Variants in GALNTL5 observed in about 807,000 individuals in gnomAD.
GALNTL5 encodes polypeptide N-acetylgalactosaminyltransferase like 5.
GALNTL5 carries 44 observed loss-of-function variants against 51.0 expected under a neutral mutation model. That is an observed-to-expected ratio of 0.86 (90% CI 0.68 to 1.11). GALNTL5 has a LOEUF of 1.11. Ranked by LOEUF, GALNTL5 falls within the 50% of genes least tolerant of loss-of-function variation. GALNTL5 has a pLI of 0.00. For missense variants in GALNTL5, 528 were observed against 531.8 expected, an observed-to-expected ratio of 0.99 and a Z score of 0.07; for synonymous variants, 192 against 182.8, an observed-to-expected ratio of 1.05 and a Z score of -0.41.
intron 5 of GALNTL5, among the ~76,000 whole-genome samples, chr7:151,991,029 T>C (rs141746267): frequency 3.5e-4 from 53 of 152,310 alleles, no homozygotes; most frequent in African/African-American, 1.2e-3. Flanking sequence ...TTGGGTTTTG[T>C]CTCCTGTTCA....
chr7:152,000,095 C>G (rs888035909), intron 5 of GALNTL5, among the ~76,000 whole-genome samples: 20 of 152,156 alleles, frequency 1.3e-4, no homozygotes, highest in African/African-American at 4.3e-4. Context: ...GAGAAGTGAA[C>G]TAATGTTAGT....
chr7:151,966,076 G>C (rs1209336569), intron 1 of GALNTL5, among the ~76,000 whole-genome samples: 1 of 151,854 alleles, frequency 6.6e-6, no homozygotes, highest in African/African-American at 2.4e-5. Flanking sequence ...TAATTGCACT[G>C]CTTTTCATGT....
chr7:152,011,999 T>A (rs1434751368), intron 7 of GALNTL5, among the ~76,000 whole-genome samples: 1 of 152,246 alleles, frequency 6.6e-6, no homozygotes, highest in Non-Finnish European at 1.5e-5. Flanking sequence ...GTTGTTGGGC[T>A]GGGCTCTAGT....
chr7:152,011,343 T>C (rs1429125208), intron 7 of GALNTL5, among the ~76,000 whole-genome samples: 3 of 152,258 alleles, frequency 2.0e-5, no homozygotes, highest in Non-Finnish European at 2.9e-5. Context: ...ACTTCCAGTC[T>C]CTGAATGGTT....
chr7:151,990,281 T>A (rs899895181), intron 5 of GALNTL5, among the ~76,000 whole-genome samples: 1 of 151,930 alleles, frequency 6.6e-6, no homozygotes, highest in African/African-American at 2.4e-5. Flanking sequence ...TGGCCTCAAG[T>A]GGTCTACCTG....
chr7:151,962,373 A>G (rs2081001454), intron 1 of GALNTL5, among the ~76,000 whole-genome samples: 1 of 143,086 alleles, frequency 7.0e-6, no homozygotes, highest in African/African-American at 2.6e-5. Flanking sequence ...CTTCATTTTT[A>G]TTACATGACC....
intron 2 of GALNTL5, among the ~76,000 whole-genome samples, chr7:151,970,031 T>C (rs894628125): frequency 1.3e-5 from 2 of 148,584 alleles, no homozygotes; most frequent in African/African-American, 2.5e-5. Context: ...AGGATGGTGT[T>C]GATCTCCTGA....
chr7:152,019,705 G>A lies in GALNTL5; in HGVS notation c.1236G>A (p.Glu412=), dbSNP rs996667111. Residue 412 remains glutamate (E), a synonymous_variant, in exon 9 of 9, where the codon GAG becomes GAA. Coordinates refer to ENST00000392800, the MANE Select transcript of GALNTL5 (RefSeq NM_145292.4). ...LKYVTYGNIR[E]RVELRKRLGC... is the part of the protein sequence containing the mutation. ...ATGTCACCTACGGAAATATTCGCGAGCGTGTTGAGTTAAGGAAACGACTGG... is the reference window on the plus strand; with the variant it reads ...ATGTCACCTACGGAAATATTCGCGAACGTGTTGAGTTAAGGAAACGACTGG... The A allele has an allele frequency of 4.3e-6, 7 of 1,613,872 alleles. No individual in the cohort carries two copies. The Admixed American group carries it at 5.0e-5, about 12-fold the overall frequency.
intron 5 of GALNTL5, among the ~76,000 whole-genome samples, chr7:151,989,937 G>A (rs777936494): frequency 7.2e-5 from 11 of 152,090 alleles, no homozygotes; most frequent in Non-Finnish European, 1.5e-4. Context: ...ATTCAAACAT[G>A]GCCTTATAAC....
intron 5 of GALNTL5, among the ~76,000 whole-genome samples, chr7:151,993,233 CAAA>C (rs750087044): frequency 1.1e-4 from 10 of 88,414 alleles, no homozygotes; most frequent in Non-Finnish European, 1.2e-4. Context: ...GACCATGTCT[CAAA>C]AAAAAAAAAA....
intron 1 of GALNTL5, 85 bp from the exon 2 acceptor site, chr7:151,967,123 A>T: frequency 2.5e-6 from 2 of 788,876 alleles, no homozygotes; most frequent in Non-Finnish European, 4.0e-6. Flanking sequence ...TTTTTAAAAC[A>T]CTAAAAATGG....
intron 5 of GALNTL5, 48 bp from the exon 6 acceptor site, chr7:152,002,666 A>G (rs201963079): frequency 3.0e-5 from 47 of 1,591,272 alleles, no homozygotes; most frequent in Non-Finnish European, 3.9e-5. Context: ...GGATTGCCGT[A>G]TTTTTTCAGC....
At chr7:151,964,884 C>T (rs2081038757) in intron 1 of GALNTL5, among the ~76,000 whole-genome samples, 1 of 152,130 alleles carries the variant, frequency 6.6e-6, no homozygotes, top group African/African-American at 2.4e-5. Flanking sequence ...TCTATCAATC[C>T]CACCTCAGAC....
At chr7:152,016,433 G>A (rs9655613) in intron 8 of GALNTL5, among the ~76,000 whole-genome samples, 62,740 of 151,570 alleles carry the variant, frequency 0.41, 14,175 homozygotes, top group African/African-American at 0.59. Flanking sequence ...TTATGGGCCC[G>A]AGTGTCAGTG....
At chr7:152,001,140 T>C (rs554873605) in intron 5 of GALNTL5, among the ~76,000 whole-genome samples, 8 of 151,872 alleles carry the variant, frequency 5.3e-5, no homozygotes, top group Admixed American at 2.6e-4. Flanking sequence ...CTTGAACTCC[T>C]GACCTCAGGT....
intron 5 of GALNTL5, 61 bp downstream of exon 5, chr7:151,987,342 C>A (rs28367452): frequency 3.5e-6 from 5 of 1,448,038 alleles, no homozygotes; most frequent in Admixed American, 5.1e-5. Context: ...CCCTTCTGAG[C>A]GGGACTCCTC....
At chr7:152,004,522 G>A (rs2081619963) in intron 6 of GALNTL5, among the ~76,000 whole-genome samples, 1 of 151,982 alleles carries the variant, frequency 6.6e-6, no homozygotes, top group Non-Finnish European at 1.5e-5. Flanking sequence ...ATTGCCTAGT[G>A]GTAAAGTCTG....
chr7:152,019,356 G>A (rs193160268), intron 8 of GALNTL5, among the ~76,000 whole-genome samples: 2 of 152,296 alleles, frequency 1.3e-5, no homozygotes, highest in Admixed American at 1.3e-4. Context: ...CAGGAGAAAG[G>A]GGATACCGCA....
chr7:151,993,563 T>C (rs1302118641), intron 5 of GALNTL5, among the ~76,000 whole-genome samples: 1 of 152,206 alleles, frequency 6.6e-6, no homozygotes, highest in Non-Finnish European at 1.5e-5. Flanking sequence ...GGTCAGAAAT[T>C]TGAAATTTCT....
Sources: allele counts gnomAD v4.1 joint callset (sites outside exome capture counted in the v4.1 genomes callset), GRCh38; gene constraint gnomAD v4.1.1; transcripts MANE v1.5; gene names NCBI Gene and HGNC (gene_info 2026-07-23, HGNC 2026-07-21).